The following CORO2B variants were observed in gnomAD, a reference collection of about 807,000 sequenced individuals.
The protein encoded by CORO2B is coronin 2B, also known as coronin-2B.
Under a neutral mutation model 58.8 loss-of-function variants are expected in CORO2B, and 26 were observed. The observed-to-expected ratio is 0.44, with a 90% confidence interval of 0.32 to 0.61. CORO2B has a LOEUF of 0.61. CORO2B is among the 20% of genes least tolerant of loss of function. The pLI is 0.04. For synonymous variants in CORO2B, 242 were observed against 253.8 expected (o/e 0.95, Z 0.44); for missense variants, 460 against 645.1 (o/e 0.71, Z 3.11).
chr15:68,595,462 C>T (rs942794393), intron 1 of CORO2B, among the ~76,000 whole-genome samples: 2 of 152,230 alleles, frequency 1.3e-5, no homozygotes, highest in East Asian at 1.9e-4. Flanking sequence ...AGGCCCTGAG[C>T]CATGCAGCAG....
intron 1 of CORO2B, among the ~76,000 whole-genome samples, chr15:68,616,069 C>A (rs1218017061): frequency 6.6e-6 from 1 of 152,126 alleles, no homozygotes; most frequent in Non-Finnish European, 1.5e-5. Flanking sequence ...AACATGAAGC[C>A]TTTTCTCTGT....
At chr15:68,668,905 C>T (rs2140293463) in intron 2 of CORO2B, among the ~76,000 whole-genome samples, 1 of 152,182 alleles carries the variant, frequency 6.6e-6, no homozygotes, top group Middle Eastern at 3.4e-3. Context: ...GTGCAGAAAC[C>T]CCATCTCTAC....
chr15:68,632,213 A>G lies in CORO2B; in HGVS notation c.16-12947A>G, dbSNP rs374617311. On this transcript the variant is annotated intron_variant, in intron 1 of 11. Coordinates refer to ENST00000261861, the MANE Select transcript of CORO2B (RefSeq NM_006091.5). The stretch of plus-strand genomic sequence containing the variant: ...ATAACTCCTTGGGCGCTATTCATCC[A>G]CACGGCCCATCTGTGCAGGGTACAG... 317 of 985,464 alleles carry G rather than the reference A, an allele frequency of 3.2e-4. 1 individual carries two copies. The African/African-American group carries it at 4.1e-3, about 13-fold the overall frequency. 61.0% of individuals were successfully genotyped at this position (985,464 alleles called of 1,614,324 possible).
chr15:68,543,934 C>T, the CORO2B span, among the ~76,000 whole-genome samples: 1 of 152,142 alleles, frequency 6.6e-6, no homozygotes, highest in African/African-American at 2.4e-5. Context: ...AGATCCTGGC[C>T]CTTACCTCTC....
chr15:68,537,434 G>A, the CORO2B span, among the ~76,000 whole-genome samples: 1 of 152,236 alleles, frequency 6.6e-6, no homozygotes, highest in Non-Finnish European at 1.5e-5. Context: ...GCCCATGGCT[G>A]TAGTAGGTCA....
At position 68,711,524 on chromosome 15, in the gene CORO2B, A is replaced by G. The variant is rs553432743; in HGVS notation, c.484-18A>G. 2 of 1,605,286 alleles carry G rather than the reference A, an allele frequency of 1.2e-6. No homozygotes were observed. The highest frequency in any genetic ancestry group is 1.3e-5 in the African/African-American group (1 of 74,698). Reference sequence around the variant, plus strand: ...CTAGCAGCCACTGACCCTGCCTCCCATGCATCTGCCCTCGCAGGTCCTCAT... The same window carrying G: ...CTAGCAGCCACTGACCCTGCCTCCCGTGCATCTGCCCTCGCAGGTCCTCAT... On this transcript the variant is annotated intron_variant, in intron 4 of 11. Coordinates refer to ENST00000261861, the MANE Select transcript of CORO2B (RefSeq NM_006091.5).
chr15:68,619,233 A>C (rs969484842), intron 1 of CORO2B, among the ~76,000 whole-genome samples: 5 of 152,200 alleles, frequency 3.3e-5, no homozygotes, highest in African/African-American at 1.2e-4. Context: ...AAGAGCTATT[A>C]GCCTTTTATA....
At position 68,632,199 on chromosome 15, in the gene CORO2B, G is replaced by A. The variant is rs1900857627; in HGVS notation, c.16-12961G>A. ...GGCCCCCATGTGGCATAACTCCTTG[G>A]GCGCTATTCATCCACACGGCCCATC... On this transcript the variant is annotated intron_variant, in intron 1 of 11. Coordinates refer to ENST00000261861, the MANE Select transcript of CORO2B (RefSeq NM_006091.5). 8.1e-6 allele frequency: 8 copies of A among 985,508 alleles called. No homozygotes were observed. In the South Asian group the frequency reaches 3.8e-4, roughly 46 times the overall value. The allele number at this position is 985,508 out of a possible 1,614,324, so 61.0% of individuals were successfully genotyped here. A position where few individuals can be genotyped will look rare whatever the true frequency, so the allele number is the denominator to read the frequency against.
intron 7 of CORO2B, 109 bp downstream of exon 7, chr15:68,714,772 G>A: frequency 1.2e-6 from 1 of 816,618 alleles, no homozygotes; most frequent in Non-Finnish European, 2.0e-6. Flanking sequence ...AACCTTCCAA[G>A]TTCCTGGGCC....
At chr15:68,600,756 A>G (rs1411887375) in intron 1 of CORO2B, among the ~76,000 whole-genome samples, 1 of 152,232 alleles carries the variant, frequency 6.6e-6, no homozygotes, top group East Asian at 1.9e-4. Flanking sequence ...TGAGGAAATG[A>G]AAACAGTAAA....
At chr15:68,626,872 G>C (rs1235474136) in intron 1 of CORO2B, among the ~76,000 whole-genome samples, 1 of 152,196 alleles carries the variant, frequency 6.6e-6, no homozygotes, top group East Asian at 1.9e-4. Flanking sequence ...CTCTGTGTCA[G>C]TTTCCCTGGA....
intron 2 of CORO2B, among the ~76,000 whole-genome samples, chr15:68,686,103 C>G (rs1902969571): frequency 7.0e-6 from 1 of 142,662 alleles, no homozygotes; most frequent in African/African-American, 2.6e-5. Flanking sequence ...AATGGCGCAA[C>G]CTTGGCTCAT....
At chr15:68,547,831 ATATCTTATGGAC>A in the CORO2B span, among the ~76,000 whole-genome samples, 1 of 152,184 alleles carries the variant, frequency 6.6e-6, no homozygotes, top group Non-Finnish European at 1.5e-5. Flanking sequence ...CTACATAGTC[ATATCTTATGGAC>A]TATTTCATTC....
the CORO2B span, among the ~76,000 whole-genome samples, chr15:68,540,462 T>C: frequency 6.6e-6 from 1 of 152,258 alleles, no homozygotes; most frequent in South Asian, 2.1e-4. Context: ...AGATAATGTC[T>C]GCCAAATACA....
At chr15:68,637,744 TCC>T (rs141882023) in intron 1 of CORO2B, among the ~76,000 whole-genome samples, 99,973 of 151,834 alleles carry the variant, frequency 0.66, 33,689 homozygotes, top group African/African-American at 0.8. Flanking sequence ...TCTCCTGGGC[TCC>T]CCCCACATTA....
intron 3 of CORO2B, among the ~76,000 whole-genome samples, chr15:68,700,317 A>G (rs1271179058): frequency 6.6e-6 from 1 of 151,966 alleles, no homozygotes; most frequent in African/African-American, 2.4e-5. Context: ...GCAGGTCTGG[A>G]CCAGTTCCCC....
intron 8 of CORO2B, 57 bp from the exon 9 acceptor site, chr15:68,718,641 A>G: frequency 7.1e-7 from 1 of 1,408,460 alleles, no homozygotes; most frequent in East Asian, 2.3e-5. Flanking sequence ...TCATGGGGTG[A>G]TGTCACTGAG....
chr15:68,526,042 G>A, the CORO2B span, among the ~76,000 whole-genome samples: 5 of 151,982 alleles, frequency 3.3e-5, no homozygotes, highest in Admixed American at 3.3e-4. Context: ...TTTCACACCC[G>A]GCTTCTCTCA....
At chr15:68,581,759 G>A (rs527941572) in intron 1 of CORO2B, among the ~76,000 whole-genome samples, 2 of 152,308 alleles carry the variant, frequency 1.3e-5, no homozygotes, top group African/African-American at 4.8e-5. Flanking sequence ...GTGAGAGGTA[G>A]GATCGCTGCT....
Sources: gnomAD v4.1 joint callset for allele counts (sites outside exome capture counted in the v4.1 genomes callset) on GRCh38, gnomAD v4.1.1 for gene constraint, MANE v1.5 for transcripts, NCBI Gene and HGNC (gene_info 2026-07-23, HGNC 2026-07-21) for gene names.